The following ZNF678 variants were observed in gnomAD, a reference collection of about 807,000 sequenced individuals.
ZNF678 encodes hypothetical protein MGC42493.
In ZNF678, 5 loss-of-function variants were observed where a neutral mutation model predicts 3.0. The observed-to-expected ratio is 1.69, with a 90% CI of 0.88 to 3.56. The LOEUF (loss-of-function observed/expected upper bound fraction) is 3.56. Among genes scored for constraint, ZNF678 ranks in the 30% most tolerant of loss-of-function variants. ZNF678 has a pLI of 0.00. For synonymous variants in ZNF678, 218 were observed against 199.6 expected, an observed-to-expected ratio of 1.09 and a Z score of -0.78; for missense variants, 593 against 605.0, an observed-to-expected ratio of 0.98 and a Z score of 0.21.
chr1:227,599,494 T>C (rs1657680224), intron 1 of ZNF678, among the ~76,000 whole-genome samples: 1 of 152,248 alleles, frequency 6.6e-6, no homozygotes, highest in South Asian at 2.1e-4. Flanking sequence ...AGTTATACTT[T>C]TTTTTAAGTT....
intron 1 of ZNF678, among the ~76,000 whole-genome samples, chr1:227,619,056 C>T (rs1024066472): frequency 1.2e-4 from 19 of 152,096 alleles, no homozygotes; most frequent in Admixed American, 5.9e-4. Context: ...AGAACTCACT[C>T]ACCATCACAA....
At position 227,660,976 on chromosome 1, in the gene ZNF678, T is replaced by G. The variant is rs1367599984; in HGVS notation, c.*5148T>G. ...TTAAAAGTTATAATTGGTTCTGAGATCCTTCATCTTTCTCAGAATCTAGGA... is the reference window on the plus strand; with the variant it reads ...TTAAAAGTTATAATTGGTTCTGAGAGCCTTCATCTTTCTCAGAATCTAGGA... On this transcript the variant is annotated 3_prime_UTR_variant, in exon 4 of 4. Transcript: ENST00000343776. 2 of 152,184 alleles carry G rather than the reference T, an allele frequency of 1.3e-5. No homozygotes were observed. The highest frequency in any genetic ancestry group is 2.9e-5 in the Non-Finnish European group (2 of 68,022). The allele number at this position is 152,184 out of a possible 1,614,324, so 9.4% of individuals were successfully genotyped here.
chr1:227,667,665 T>C (rs551343979), intron 5 of ZNF678, among the ~76,000 whole-genome samples: 3 of 152,332 alleles, frequency 2.0e-5, no homozygotes, highest in East Asian at 3.9e-4. Context: ...CGATGACTTA[T>C]CAGTTCTTGT....
At chr1:227,604,669 A>T (rs1459978589) in intron 1 of ZNF678, among the ~76,000 whole-genome samples, 1 of 152,106 alleles carries the variant, frequency 6.6e-6, no homozygotes, top group Non-Finnish European at 1.5e-5. Flanking sequence ...GCTTACACGC[A>T]TGAATCACTG....
Position 227,646,999 on chromosome 1 carries a change from C to G in ZNF678, c.-37+329C>G, listed in dbSNP as rs553362486. 5.9e-5 allele frequency among the ~76,000 whole-genome samples: 9 copies of G among 152,198 alleles called. No individual in the cohort carries two copies. In the East Asian group the frequency reaches 1.7e-3, roughly 29 times the overall value. On this transcript the variant is annotated intron_variant, in intron 2 of 3. Transcript: ENST00000343776. ...AGTATTGGGTAGTGGAGCTGAGAAC[C>G]TATATGTTTTTGGGAGGCCGAGGTG...
At chr1:227,576,556 A>G (rs7521659) in intron 1 of ZNF678, among the ~76,000 whole-genome samples, 149,578 of 152,336 alleles carry the variant, frequency 0.98, 73,494 homozygotes, top group Middle Eastern at 1. Flanking sequence ...TTTTCTAATG[A>G]TTGGTTGTAT....
At chr1:227,667,042 G>T (rs2102818554), downstream of ZNF678, among the ~76,000 whole-genome samples, 1 of 151,474 alleles carries the variant, frequency 6.6e-6, no homozygotes, top group South Asian at 2.1e-4. Context: ...ACCGCACCCG[G>T]CCTCTCCTCT....
At chr1:227,582,459 C>T (rs1399265327) in intron 1 of ZNF678, 2 of 159,826 alleles carry the variant, frequency 1.3e-5, no homozygotes, top group Non-Finnish European at 2.8e-5. Flanking sequence ...GTAGCTAGGA[C>T]CACAGGGGCA....
chr1:227,627,368 G>A (rs1179925322), intron 1 of ZNF678, among the ~76,000 whole-genome samples: 2 of 152,104 alleles, frequency 1.3e-5, no homozygotes, highest in Middle Eastern at 3.4e-3. Context: ...TTGGGGCTTG[G>A]TTTCCTGAAG....
chr1:227,619,714 T>TCA (rs1405350311), intron 1 of ZNF678, among the ~76,000 whole-genome samples: 2 of 151,928 alleles, frequency 1.3e-5, no homozygotes, highest in African/African-American at 4.8e-5. Flanking sequence ...GGTTTCACCG[T>TCA]GTTAGCCAGG....
At chr1:227,610,846 G>C (rs1205108426) in intron 1 of ZNF678, among the ~76,000 whole-genome samples, 1 of 152,162 alleles carries the variant, frequency 6.6e-6, no homozygotes, top group African/African-American at 2.4e-5. Context: ...TAGAAGGGGG[G>C]TTTTCTGAAA....
intron 1 of ZNF678, among the ~76,000 whole-genome samples, chr1:227,625,207 G>A (rs1658379544): frequency 6.6e-6 from 1 of 152,126 alleles, no homozygotes; most frequent in Non-Finnish European, 1.5e-5. Flanking sequence ...AGGTGGGTGC[G>A]GTCACCCTCC....
At chr1:227,576,142 T>G (rs990972215) in intron 1 of ZNF678, among the ~76,000 whole-genome samples, 1 of 152,208 alleles carries the variant, frequency 6.6e-6, no homozygotes, top group Non-Finnish European at 1.5e-5. Context: ...TGGATTCAGT[T>G]TGCCAGTATT....
chr1:227,572,984 C>T (rs1656893354), intron 1 of ZNF678, among the ~76,000 whole-genome samples: 1 of 152,252 alleles, frequency 6.6e-6, no homozygotes, highest in African/African-American at 2.4e-5. Context: ...GCATTCTGGA[C>T]TGCGAGACAG....
At chr1:227,596,249 C>G (rs1286001964) in intron 1 of ZNF678, among the ~76,000 whole-genome samples, 3 of 152,230 alleles carry the variant, frequency 2.0e-5, no homozygotes, top group Non-Finnish European at 4.4e-5. Context: ...CACCTCACTT[C>G]CCAGTCAGGG....
intron 1 of ZNF678, among the ~76,000 whole-genome samples, chr1:227,602,381 C>G (rs1045286502): frequency 6.6e-6 from 1 of 152,106 alleles, no homozygotes; most frequent in African/African-American, 2.4e-5. Context: ...GTGTAATATA[C>G]AGTACTTTTC....
chr1:227,566,450 A>G (rs954850610), intron 1 of ZNF678, among the ~76,000 whole-genome samples: 1 of 152,188 alleles, frequency 6.6e-6, no homozygotes, highest in African/African-American at 2.4e-5. Context: ...TGGTGCGAGA[A>G]CATGCAAAGC....
intron 1 of ZNF678, among the ~76,000 whole-genome samples, chr1:227,610,426 T>C (rs1251824663): frequency 2.0e-5 from 3 of 152,222 alleles, no homozygotes; most frequent in Admixed American, 6.5e-5. Flanking sequence ...CGGAAGTGTG[T>C]GCCCTAAAAC....
chr1:227,596,848 C>A lies in ZNF678; in HGVS notation c.-164+33124C>A, dbSNP rs1223183120. Among the ~76,000 whole-genome samples the A allele has an allele frequency of 2.0e-5, 3 of 151,736 alleles. No individual in the cohort carries two copies. In the East Asian group the frequency reaches 5.8e-4, roughly 29 times the overall value. On this transcript the variant is annotated intron_variant, in intron 1 of 3. Transcript: ENST00000343776. ...CAGAACATATTGGCATGACAACAGG[C>A]TGAATAAATAGCTATTTTACTTAAT...
Sources: gnomAD v4.1 joint callset for allele counts (sites outside exome capture counted in the v4.1 genomes callset) on GRCh38, gnomAD v4.1.1 for gene constraint, MANE v1.5 for transcripts, NCBI Gene and HGNC (gene_info 2026-07-23, HGNC 2026-07-21) for gene names.